The following OR52A5 variants were observed in gnomAD, a reference collection of about 807,000 sequenced individuals.
The protein encoded by OR52A5 is olfactory receptor family 52 subfamily A member 5.
A neutral mutation model predicts 18.2 loss-of-function variants in OR52A5; 16 were observed. The observed-to-expected ratio is 0.88, with a 90% CI of 0.60 to 1.34. The LOEUF is 1.34. Among genes scored for constraint, OR52A5 ranks in the 40% most tolerant of loss-of-function variants. The pLI is 0.00. For missense variants in OR52A5, 418 were observed against 383.0 expected (o/e 1.09, Z -0.76); for synonymous variants, 140 against 137.2 (o/e 1.02, Z -0.14).
At chr11:5,133,864 T>C (rs181569141) in intron 1 of OR52A5, among the ~76,000 whole-genome samples, 2 of 152,302 alleles carry the variant, frequency 1.3e-5, no homozygotes, top group African/African-American at 4.8e-5. Flanking sequence ...AATTTTTTTC[T>C]TTACATAAAA....
In OR52A5 at chr11:5,131,696, G is replaced by A. The variant is rs775622529; in HGVS notation, c.947C>T (p.Thr316Ile). 55 of 1,603,990 alleles carry A rather than the reference G, an allele frequency of 3.4e-5. No homozygotes were observed. The highest frequency in any genetic ancestry group is 2.6e-5 in the Non-Finnish European group (30 of 1,172,400). The change falls in exon 2 of 2, where the codon ACT becomes ATT. Residue 316 changes from threonine to isoleucine, a missense_variant. Coordinates refer to ENST00000307388, the MANE Select transcript of OR52A5 (RefSeq NM_001005160.3). ...CTCTATAGGAGTCACTAACGATCAA[G>A]TTACTTTTTTGAAGAAAAACACTTT... ...IVKVFFFKKV[T>I]
chr11:5,132,531 G>T lies in OR52A5; in HGVS notation c.112C>A (p.Leu38Ile). 1.2e-6 allele frequency: 2 copies of T among 1,613,786 alleles called. No homozygotes were observed. The highest frequency in any genetic ancestry group is 1.7e-6 in the Non-Finnish European group (2 of 1,179,764). ...WIGIPFSAMY[L>I]IGVIGNSLIL... ...AGGGAATTTCCAATCACACCAATAA[G>T]ATACATGGCAGAGAAAGGAATCCCA... Residue 38 changes from leucine (L) to isoleucine (I), a missense_variant, in exon 2 of 2, where the codon CTT becomes ATT. Coordinates refer to ENST00000307388, the MANE Select transcript of OR52A5 (RefSeq NM_001005160.3).
chr11:5,131,338 T>C lies in OR52A5; in HGVS notation c.*354A>G, dbSNP rs1846334909. The C allele has an allele frequency of 6.2e-6, 1 of 161,676 alleles. No homozygotes were observed. The highest frequency in any genetic ancestry group is 5.8e-5 in the Admixed American group (1 of 17,226). The allele number at this position is 161,676 out of a possible 1,614,324, so 10.0% of individuals were successfully genotyped here. A position where few individuals can be genotyped will look rare whatever the true frequency, so the allele number is the denominator to read the frequency against. On this transcript the variant is annotated 3_prime_UTR_variant, in exon 2 of 2. Coordinates refer to ENST00000307388, the MANE Select transcript of OR52A5 (RefSeq NM_001005160.3). The stretch of plus-strand genomic sequence containing the variant: ...ACTGATTTTATTTTCCTGAAAATGA[T>C]ATTTGTGAATATGTTTAATATTTTT...
rs182211570 is a variant in OR52A5 at position 5,132,099 on chromosome 11, A to G, written c.544T>C (p.Cys182Arg). Residue 182 changes from cysteine (C) to arginine (R), a missense_variant, in exon 2 of 2, where the codon TGT (cysteine) becomes CGT (arginine). Coordinates refer to ENST00000307388, the MANE Select transcript of OR52A5 (RefSeq NM_001005160.3). Reference protein sequence around the residue: ...YRTTVISHSYCEHMAIVKLAT... With the variant: ...YRTTVISHSYREHMAIVKLAT... ...AGCTTCACGATGGCCATGTGCTCAC[A>G]GTAAGAGTGAGAGATGACTGTAGTT... is the stretch of plus-strand genomic sequence containing the variant. 1.9e-4 allele frequency: 312 copies of G among 1,614,202 alleles called. 3 individuals carry two copies. The East Asian group carries it at 5.4e-3, about 28-fold the overall frequency.
At chr11:5,137,517 T>TC (rs1185783318) in intron 1 of OR52A5, among the ~76,000 whole-genome samples, 13 of 136,700 alleles carry the variant, frequency 9.5e-5, no homozygotes, top group East Asian at 4.0e-4. Flanking sequence ...CCTCTCTCTC[T>TC]TTTTTTTTTT....
In OR52A5 at chr11:5,130,106, T is replaced by C. The variant is rs932564319; in HGVS notation, c.*1586A>G. Reference sequence around the variant, plus strand: ...AAAAAAAAATATGTCTTTTAGGATATGTAATGTGTTTTTTTCTGATAGACC... The same window carrying C: ...AAAAAAAAATATGTCTTTTAGGATACGTAATGTGTTTTTTTCTGATAGACC... On this transcript the variant is annotated 3_prime_UTR_variant, in exon 2 of 2. Coordinates refer to ENST00000307388, the MANE Select transcript of OR52A5 (RefSeq NM_001005160.3). 4.6e-5 allele frequency: 7 copies of C among 152,158 alleles called. No homozygotes were observed. The highest frequency in any genetic ancestry group is 3.8e-4 in the East Asian group (2 of 5,202). 9.4% of individuals were successfully genotyped at this position (152,158 alleles called of 1,614,324 possible).
rs565211111 is a variant in OR52A5 at position 5,131,203 on chromosome 11, T to C, written c.*489A>G. 5 of 153,802 alleles carry C rather than the reference T, an allele frequency of 3.3e-5. No individual in the cohort carries two copies. Among genetic ancestry groups the C allele is most frequent in the African/African-American group, 1.2e-4 (5 of 41,586 alleles). The allele number at this position is 153,802 out of a possible 1,614,324, so 9.5% of individuals were successfully genotyped here. A position where few individuals can be genotyped will look rare whatever the true frequency, so the allele number is the denominator to read the frequency against. Reference sequence around the variant, plus strand: ...TGCTTTCAGTGGGTAACAGAATTTGTATGTTCAATTTTAGAACTTAAACTT... The same window carrying C: ...TGCTTTCAGTGGGTAACAGAATTTGCATGTTCAATTTTAGAACTTAAACTT... On this transcript the variant is annotated 3_prime_UTR_variant, in exon 2 of 2. Coordinates refer to ENST00000307388, the MANE Select transcript of OR52A5 (RefSeq NM_001005160.3).
At chr11:5,135,298 T>G (rs1239644755) in intron 1 of OR52A5, among the ~76,000 whole-genome samples, 1 of 152,240 alleles carries the variant, frequency 6.6e-6, no homozygotes, top group African/African-American at 2.4e-5. Context: ...GTTAAGATTC[T>G]GATGGACATT....
In OR52A5 at chr11:5,128,967, A is replaced by T. The variant is rs925970586; in HGVS notation, c.*2725T>A. 6.6e-6 allele frequency: 1 copy of T among 152,164 alleles called. No individual in the cohort carries two copies. Among genetic ancestry groups the T allele is most frequent in the African/African-American group, 2.4e-5 (1 of 41,438 alleles). 9.4% of individuals were successfully genotyped at this position (152,164 alleles called of 1,614,324 possible). On this transcript the variant is annotated 3_prime_UTR_variant, in exon 2 of 2. Coordinates refer to ENST00000307388, the MANE Select transcript of OR52A5 (RefSeq NM_001005160.3). Reference sequence around the variant, plus strand: ...AATTGCATACTTTAAAATTGCAAATATTATGGCATGTGAATTCCATCTCAG... The same window carrying T: ...AATTGCATACTTTAAAATTGCAAATTTTATGGCATGTGAATTCCATCTCAG...
Position 5,128,833 on chromosome 11 carries a change from T to C in OR52A5, c.*2859A>G, listed in dbSNP as rs1159321188. On this transcript the variant is annotated 3_prime_UTR_variant, in exon 2 of 2. Transcript: ENST00000307388. ...CTGGAGATGGGGGGAGCAGAAGTAA[T>C]GGGATGTGACTACTAATGTATATAG... 6.6e-6 allele frequency: 1 copy of C among 151,916 alleles called. No individual in the cohort carries two copies. Among genetic ancestry groups the C allele is most frequent in the Non-Finnish European group, 1.5e-5 (1 of 67,974 alleles). The allele number at this position is 151,916 out of a possible 1,614,324, so 9.4% of individuals were successfully genotyped here.
At chr11:5,137,439 C>G (rs1846401777) in intron 1 of OR52A5, among the ~76,000 whole-genome samples, 2 of 152,202 alleles carry the variant, frequency 1.3e-5, no homozygotes, top group South Asian at 4.1e-4. Context: ...AATCTCATCC[C>G]TTTATATCAT....
At position 5,132,675 on chromosome 11, in the gene OR52A5, C is replaced by A; in HGVS notation, c.-33G>T. On this transcript the variant is annotated 5_prime_UTR_variant, in exon 2 of 2. Transcript: ENST00000307388. Reference sequence around the variant, plus strand: ...TCATCAGAATCAAGTGGTAGATTTGCTGTTTCATCTTCTATTCTCTGTTGA... The same window carrying A: ...TCATCAGAATCAAGTGGTAGATTTGATGTTTCATCTTCTATTCTCTGTTGA... 1 of 1,358,686 alleles carries A rather than the reference C, an allele frequency of 7.4e-7. No individual in the cohort carries two copies. Among genetic ancestry groups the A allele is most frequent in the Non-Finnish European group, 1.0e-6 (1 of 981,944 alleles). The allele number at this position is 1,358,686 out of a possible 1,614,324, so 84.2% of individuals were successfully genotyped here.
rs1846331061 is a variant in OR52A5 at position 5,130,933 on chromosome 11, G to A, written c.*759C>T. 6.6e-6 allele frequency: 1 copy of A among 152,026 alleles called. No individual in the cohort carries two copies. Among genetic ancestry groups the A allele is most frequent in the Non-Finnish European group, 1.5e-5 (1 of 67,960 alleles). 9.4% of individuals were successfully genotyped at this position (152,026 alleles called of 1,614,324 possible). A position where few individuals can be genotyped will look rare whatever the true frequency, so the allele number is the denominator to read the frequency against. On this transcript the variant is annotated 3_prime_UTR_variant, in exon 2 of 2. Coordinates refer to ENST00000307388, the MANE Select transcript of OR52A5 (RefSeq NM_001005160.3). Reference sequence around the variant, plus strand: ...CAGGTTTGCATAATGATTATTTCAAGTCTTCACCTTTCTTTTACCCTGATA... The same window carrying A: ...CAGGTTTGCATAATGATTATTTCAAATCTTCACCTTTCTTTTACCCTGATA...
intron 1 of OR52A5, among the ~76,000 whole-genome samples, chr11:5,133,528 G>T (rs1360895882): frequency 2.0e-5 from 3 of 148,900 alleles, no homozygotes; most frequent in African/African-American, 7.4e-5. Flanking sequence ...TCTCATATAG[G>T]CTCAAAATTC....
chr11:5,131,479 T>G lies in OR52A5; in HGVS notation c.*213A>C. ...TTACTGATTTCATATTATTTTTATATTGATAAGTATTTCAGATAAAGTAAA... is the reference window on the plus strand; with the variant it reads ...TTACTGATTTCATATTATTTTTATAGTGATAAGTATTTCAGATAAAGTAAA... On this transcript the variant is annotated 3_prime_UTR_variant, in exon 2 of 2. Coordinates refer to ENST00000307388, the MANE Select transcript of OR52A5 (RefSeq NM_001005160.3). 2.8e-6 allele frequency: 1 copy of G among 352,076 alleles called. No individual in the cohort carries two copies. The highest frequency in any genetic ancestry group is 5.2e-6 in the Non-Finnish European group (1 of 192,888). 21.8% of individuals were successfully genotyped at this position (352,076 alleles called of 1,614,324 possible). A position where few individuals can be genotyped will look rare whatever the true frequency, so the allele number is the denominator to read the frequency against.
intron 1 of OR52A5, among the ~76,000 whole-genome samples, chr11:5,132,966 G>A (rs1202356429): frequency 1.3e-5 from 2 of 151,846 alleles, no homozygotes; most frequent in South Asian, 2.1e-4. Flanking sequence ...TTATTACTCA[G>A]CATTATGTGC....
At position 5,132,423 on chromosome 11, in the gene OR52A5, C is replaced by G; in HGVS notation, c.220G>C (p.Ala74Pro). The change falls in exon 2 of 2, where the codon GCA (alanine) becomes CCA (proline). Residue 74 changes from alanine (A) to proline (P), a missense_variant. Ala to Pro is a conservative substitution (Grantham distance 27). Transcript: ENST00000307388. ...TTGGGAAGAATGCAGGTGTTAAGTG[C>G]AATGTCTGTGGCTGCCAACATGGCC... ...FLAMLAATDI[A>P]LNTCILPKML... 1 of 1,614,108 alleles carries G rather than the reference C, an allele frequency of 6.2e-7. No homozygotes were observed. The highest frequency in any genetic ancestry group is 8.5e-7 in the Non-Finnish European group (1 of 1,179,994).
At chr11:5,132,734 TTTA>T in intron 1 of OR52A5, 32 bp from the exon 2 acceptor site, 2 of 768,298 alleles carry the variant, frequency 2.6e-6, no homozygotes, top group Non-Finnish European at 4.1e-6. Flanking sequence ...AATATGTTAA[TTTA>T]TTTTAGGAAA....
At chr11:5,135,371 A>G (rs927891529) in intron 1 of OR52A5, among the ~76,000 whole-genome samples, 3 of 152,170 alleles carry the variant, frequency 2.0e-5, no homozygotes, top group Non-Finnish European at 2.9e-5. Context: ...CACGTTTATT[A>G]TATGCTACCT....
Sources: gnomAD v4.1 joint callset for allele counts (sites outside exome capture counted in the v4.1 genomes callset) on GRCh38, gnomAD v4.1.1 for gene constraint, MANE v1.5 for transcripts, NCBI Gene and HGNC (gene_info 2026-07-23, HGNC 2026-07-21) for gene names.